The following CEP290 variants were observed in gnomAD, a reference collection of about 807,000 sequenced individuals.
CEP290 encodes centrosomal protein 290.
A neutral mutation model predicts 344.9 loss-of-function variants in CEP290; 317 were observed. The ratio of observed to expected loss-of-function variants is 0.92; its 90% CI spans 0.84 to 1.01. The LOEUF (loss-of-function observed/expected upper bound fraction) is 1.01. Ranked by LOEUF, CEP290 falls within the 50% of genes least tolerant of loss-of-function variation. CEP290 has a pLI of 0.00. For synonymous variants in CEP290, 932 were observed against 895.8 expected (o/e 1.04, Z -0.72); for missense variants, 2,754 against 2,761.4 (o/e 1.00, Z 0.06).
chr12:88,049,871 T>C (rs2033319636), intron 53 of CEP290: 1 of 157,410 alleles, frequency 6.4e-6, no homozygotes, highest in African/African-American at 2.4e-5. Context: ...AGGGAAACCT[T>C]TGGGACTTCT....
At chr12:88,123,626 T>C (rs745848274) in intron 13 of CEP290, among the ~76,000 whole-genome samples, 6 of 152,082 alleles carry the variant, frequency 3.9e-5, no homozygotes, top group Non-Finnish European at 8.8e-5. Context: ...GCTGCTAAAG[T>C]AGAAGCTCTT....
At chr12:88,109,991 A>G (rs1477108925) in intron 22 of CEP290, among the ~76,000 whole-genome samples, 1 of 152,098 alleles carries the variant, frequency 6.6e-6, no homozygotes, top group Non-Finnish European at 1.5e-5. Context: ...TATTCTAATA[A>G]GTAGTTAAGG....
At chr12:88,115,705 A>G (rs1395771403) in intron 18 of CEP290, 32 of 1,010,382 alleles carry the variant, frequency 3.2e-5, no homozygotes, top group Non-Finnish European at 3.9e-5. Context: ...ATTGTTACAG[A>G]ACTTTGTTAG....
chr12:88,083,194 T>G lies in CEP290; in HGVS notation c.4849A>C (p.Asn1617His), dbSNP rs2036319952. The G allele has an allele frequency of 1.3e-6, 2 of 1,525,608 alleles. No homozygotes were observed. Among genetic ancestry groups the G allele is most frequent in the South Asian group, 2.7e-5 (2 of 75,026 alleles). The allele number at this position is 1,525,608 out of a possible 1,614,324, so 94.5% of individuals were successfully genotyped here. Residue 1617 changes from asparagine to histidine, a missense_variant, in exon 37 of 54, where the codon AAC becomes CAC. Transcript: ENST00000552810. ...TCAGCCAGACGAATAAAATGCTTGT[T>G]GGTAGGAACTGGAGTGGGAGACTGT... The part of the protein sequence containing the change: ...MKQSPTPVPT[N>H]KHFIRLAEME...
intron 30 of CEP290, 62 bp downstream of exon 30, chr12:88,090,666 C>A (rs942154055): frequency 1.5e-5 from 15 of 985,742 alleles, no homozygotes; most frequent in Non-Finnish European, 2.2e-5. Context: ...CCACTCCCAA[C>A]ATCTAATGTA....
intron 51 of CEP290, among the ~76,000 whole-genome samples, chr12:88,053,954 C>T (rs2033785234): frequency 6.6e-6 from 1 of 152,056 alleles, no homozygotes; most frequent in African/African-American, 2.4e-5. Context: ...AATATCTGAC[C>T]TGATGGCATT....
chr12:88,108,357 C>T (rs551236829), intron 23 of CEP290, among the ~76,000 whole-genome samples: 4 of 152,252 alleles, frequency 2.6e-5, no homozygotes, highest in South Asian at 2.1e-4. Context: ...GAAAAAAATG[C>T]TCCTCTTCTT....
rs1029592296 is a variant in CEP290, at chr12:88,114,657, C to T, written c.1910-95G>A. On this transcript the variant is annotated intron_variant, in intron 19 of 53. Transcript: ENST00000552810. ...ACAAATATTTCACATATACCAAAGA[C>T]ATCATTGGAAAAATCCAAATGTAAA... is the stretch of plus-strand genomic sequence containing the variant. The T allele has an allele frequency of 3.9e-6, 4 of 1,027,256 alleles. No individual in the cohort carries two copies. The Admixed American group carries it at 1.1e-4, about 27-fold the overall frequency. The allele number at this position is 1,027,256 out of a possible 1,614,324, so 63.6% of individuals were successfully genotyped here.
At chr12:88,097,306 G>C (rs1565861403) in intron 26 of CEP290, among the ~76,000 whole-genome samples, 1 of 151,782 alleles carries the variant, frequency 6.6e-6, no homozygotes, top group Non-Finnish European at 1.5e-5. Flanking sequence ...TGAATCGTGG[G>C]GGTGGTTTCC....
chr12:88,115,377 T>C (rs1211344865), intron 18 of CEP290, 195 bp from the exon 19 acceptor site: 10 of 767,792 alleles, frequency 1.3e-5, no homozygotes, highest in Non-Finnish European at 1.8e-5. Context: ...TTAATCCCAC[T>C]TTCTCCCTCT....
At chr12:88,074,953 A>G (rs2035650886) in intron 41 of CEP290, among the ~76,000 whole-genome samples, 1 of 152,202 alleles carries the variant, frequency 6.6e-6, no homozygotes, top group East Asian at 1.9e-4. Context: ...AAACTGGTAA[A>G]TGTAAGTAAA....
intron 27 of CEP290, among the ~76,000 whole-genome samples, chr12:88,095,650 G>A (rs2037371482): frequency 6.6e-6 from 1 of 152,068 alleles, no homozygotes; most frequent in African/African-American, 2.4e-5. Flanking sequence ...ATTTCCCAGT[G>A]TTAGGCTTCT....
chr12:88,085,325 A>C (rs1334011700), intron 34 of CEP290, among the ~76,000 whole-genome samples: 1 of 152,142 alleles, frequency 6.6e-6, no homozygotes, highest in Non-Finnish European at 1.5e-5. Flanking sequence ...AAAGAGAAAA[A>C]AACAGAAAAA....
chr12:88,100,836 TGGAA>T (rs2037813071), intron 26 of CEP290, among the ~76,000 whole-genome samples: 1 of 152,024 alleles, frequency 6.6e-6, no homozygotes, highest in African/African-American at 2.4e-5. Context: ...GCAAAACAAC[TGGAA>T]GAGAGAAATG....
chr12:88,058,888 C>T lies in CEP290; in HGVS notation c.6778G>A (p.Gly2260Ser). ...GATTTCCAGCTCTTACTGTCAGCAC[C>T]TTCAAGCTGTGGACCTCTGCTTTCT... ...FAESRGPQLE[G>S]ADSKSWKSIV... The change falls in exon 49 of 54, where the codon GGT becomes AGT. Residue 2260 changes from glycine (G) to serine (S), a missense_variant. By Grantham distance (56) the Gly-to-Ser change is moderately conservative. Transcript: ENST00000552810. 1 of 1,613,932 alleles carries T rather than the reference C, an allele frequency of 6.2e-7. No individual in the cohort carries two copies. The highest frequency in any genetic ancestry group is 8.5e-7 in the Non-Finnish European group (1 of 1,179,888).
chr12:88,117,327 A>G (rs1308180056), intron 17 of CEP290, among the ~76,000 whole-genome samples, 182 bp from the exon 18 acceptor site: 1 of 152,208 alleles, frequency 6.6e-6, no homozygotes, highest in Non-Finnish European at 1.5e-5. Flanking sequence ...TTAATGAACT[A>G]TTAATAATGT....
chr12:88,115,301 G>T, intron 18 of CEP290, 119 bp from the exon 19 acceptor site: 1 of 702,278 alleles, frequency 1.4e-6, no homozygotes. Flanking sequence ...AAAAAAACGA[G>T]CTATGAAGAC....
At chr12:88,071,752 A>G in intron 42 of CEP290, 29 bp downstream of exon 42, 1 of 1,516,284 alleles carries the variant, frequency 6.6e-7, no homozygotes, top group Non-Finnish European at 8.9e-7. Flanking sequence ...TTTACACATA[A>G]TTAGTTTTAT....
intron 6 of CEP290, among the ~76,000 whole-genome samples, chr12:88,134,676 A>G (rs576420800): frequency 2.7e-4 from 41 of 152,316 alleles, no homozygotes; most frequent in African/African-American, 9.6e-4. Context: ...CCATTTCTTC[A>G]TCTGTATCAT....
Sources: gnomAD v4.1 joint callset for allele counts (sites outside exome capture counted in the v4.1 genomes callset) on GRCh38, gnomAD v4.1.1 for gene constraint, MANE v1.5 for transcripts, NCBI Gene and HGNC (gene_info 2026-07-23, HGNC 2026-07-21) for gene names.